COL4A4: variants seen among roughly 807,000 people sequenced by gnomAD.
The protein encoded by COL4A4 is collagen type IV alpha 4 chain, also known as collagen alpha-4(IV) chain.
Under a neutral mutation model 192.9 loss-of-function variants are expected in COL4A4, and 105 were observed. The observed-to-expected ratio is 0.54, with a 90% CI of 0.46 to 0.64. The LOEUF (loss-of-function observed/expected upper bound fraction) is 0.64, where lower values mean the gene tolerates loss of function less well. Ranked by LOEUF, COL4A4 falls within the 30% of genes least tolerant of loss-of-function variation. COL4A4 has a pLI of 0.00. For missense variants in COL4A4, 1,967 were observed against 2,169.3 expected (o/e 0.91, Z 1.85); for synonymous variants, 762 against 769.9 (o/e 0.99, Z 0.17).
rs745671001 is a variant in COL4A4, at chr2:227,144,517, CCATATA to C, written c.107_112del (p.Val36_Tyr37del). 1 of 1,609,766 alleles carries C rather than the reference CCATATA, an allele frequency of 6.2e-7. No individual in the cohort carries two copies. The highest frequency in any genetic ancestry group is 1.3e-5 in the African/African-American group (1 of 74,902). ...ACCAGAGCTAGTGAATGTACTTACC[CCATATA>C]CATATTGTACAGAAAAGAGAATGAG... On this transcript the variant is annotated inframe_deletion and splice_region_variant, in exon 3 of 48. Transcript: ENST00000396625.
chr2:227,085,396 C>G (rs940910226), intron 22 of COL4A4, among the ~76,000 whole-genome samples: 12 of 152,146 alleles, frequency 7.9e-5, no homozygotes, highest in Non-Finnish European at 1.6e-4. Context: ...AAAACAAACA[C>G]CATGAGGACA....
chr2:227,003,976 T>C lies in COL4A4; in HGVS notation c.*3349A>G, dbSNP rs1185092541. The C allele has an allele frequency of 6.6e-6, 1 of 152,246 alleles. No homozygotes were observed. The highest frequency in any genetic ancestry group is 1.5e-5 in the Non-Finnish European group (1 of 68,044). 9.4% of individuals were successfully genotyped at this position (152,246 alleles called of 1,614,324 possible). Reference sequence around the variant, plus strand: ...ATATTCTGAAATAGGAAATGGTTTATACTTGTAACCGTCTTGCTGATGAAG... The same window carrying C: ...ATATTCTGAAATAGGAAATGGTTTACACTTGTAACCGTCTTGCTGATGAAG... On this transcript the variant is annotated 3_prime_UTR_variant, in exon 48 of 48. Coordinates refer to ENST00000396625, the MANE Select transcript of COL4A4 (RefSeq NM_000092.5).
At chr2:227,041,656 AAAAGG>A (rs1206452841) in intron 37 of COL4A4, among the ~76,000 whole-genome samples, 2 of 147,460 alleles carry the variant, frequency 1.4e-5, no homozygotes, top group Admixed American at 1.4e-4. Flanking sequence ...AAGAAAAAAG[AAAAGG>A]AAAGAAAAGG....
intron 6 of COL4A4, among the ~76,000 whole-genome samples, 170 bp downstream of exon 6, chr2:227,119,725 T>G (rs1451274560): frequency 6.7e-6 from 1 of 148,806 alleles, no homozygotes; most frequent in Non-Finnish European, 1.5e-5. Flanking sequence ...GTGAAAGATA[T>G]ATATATATTA....
chr2:227,092,987 C>T (rs2060020734), intron 20 of COL4A4, among the ~76,000 whole-genome samples: 1 of 152,126 alleles, frequency 6.6e-6, no homozygotes, highest in Admixed American at 6.5e-5. Context: ...AATGATTGCC[C>T]TTGGAGAGGA....
intron 25 of COL4A4, among the ~76,000 whole-genome samples, chr2:227,076,338 C>T (rs975959352): frequency 2.6e-5 from 4 of 152,136 alleles, no homozygotes; most frequent in Admixed American, 2.0e-4. Flanking sequence ...TAACACTACA[C>T]ATCTACAACC....
intron 36 of COL4A4, 125 bp from the exon 37 acceptor site, chr2:227,042,380 T>C (rs1335794730): frequency 1.0e-5 from 7 of 679,792 alleles, no homozygotes; most frequent in East Asian, 2.7e-5. Flanking sequence ...TTTCTTCCTA[T>C]ACATCTTAAC....
chr2:227,065,437 A>T (rs1426368088), intron 25 of COL4A4, among the ~76,000 whole-genome samples: 1 of 152,210 alleles, frequency 6.6e-6, no homozygotes, highest in Non-Finnish European at 1.5e-5. Context: ...GGCACAGACA[A>T]ACAAAAAGAC....
chr2:227,046,046 A>G (rs1972751467), intron 35 of COL4A4, among the ~76,000 whole-genome samples: 1 of 140,450 alleles, frequency 7.1e-6, no homozygotes, highest in Non-Finnish European at 1.5e-5. Flanking sequence ...ATATATACAT[A>G]TATACTATCT....
intron 43 of COL4A4, among the ~76,000 whole-genome samples, chr2:227,024,439 G>GAGTGC (rs1966618101): frequency 6.6e-6 from 1 of 152,076 alleles, no homozygotes; most frequent in African/African-American, 2.4e-5. Flanking sequence ...TTGAACCTGG[G>GAGTGC]AGTGCAGTGG....
chr2:227,080,684 A>T, intron 23 of COL4A4, 135 bp from the exon 24 acceptor site: 1 of 726,454 alleles, frequency 1.4e-6, no homozygotes, highest in Non-Finnish European at 2.4e-6. Context: ...CTCAAGTCAC[A>T]TAAAACATGC....
intron 25 of COL4A4, among the ~76,000 whole-genome samples, chr2:227,077,274 T>C (rs182308527): frequency 1.3e-5 from 2 of 152,068 alleles, no homozygotes; most frequent in Admixed American, 1.3e-4. Flanking sequence ...ACAAAGAAAA[T>C]GTGGCATATA....
At chr2:227,040,576 T>C (rs933237251) in intron 37 of COL4A4, among the ~76,000 whole-genome samples, 4 of 151,800 alleles carry the variant, frequency 2.6e-5, no homozygotes, top group African/African-American at 9.7e-5. Flanking sequence ...TTCTTTTTTT[T>C]TTTTTTTGAG....
At chr2:227,137,792 T>C (rs1055236696) in intron 4 of COL4A4, among the ~76,000 whole-genome samples, 5 of 152,168 alleles carry the variant, frequency 3.3e-5, no homozygotes, top group African/African-American at 9.7e-5. Context: ...GCTGATCAAA[T>C]CTATTTATCT....
intron 44 of COL4A4, among the ~76,000 whole-genome samples, chr2:227,013,905 C>G (rs1219368883): frequency 6.6e-6 from 1 of 152,102 alleles, no homozygotes; most frequent in Admixed American, 6.5e-5. Context: ...GCCTGATAAC[C>G]ATTAAATGAG....
chr2:227,140,323 G>A, intron 3 of COL4A4, 85 bp from the exon 4 acceptor site: 1 of 1,147,780 alleles, frequency 8.7e-7, no homozygotes. Context: ...AAGCACTCTT[G>A]GTTTACCTTT....
At chr2:227,109,859 C>T (rs899167891) in intron 9 of COL4A4, among the ~76,000 whole-genome samples, 2 of 151,916 alleles carry the variant, frequency 1.3e-5, no homozygotes, top group African/African-American at 4.8e-5. Flanking sequence ...TTTACAAATA[C>T]ATCCTGTAAT....
At position 227,003,387 on chromosome 2, in the gene COL4A4, T is replaced by C. The variant is rs192161029; in HGVS notation, c.*3938A>G. On this transcript the variant is annotated 3_prime_UTR_variant, in exon 48 of 48. Transcript: ENST00000396625. ...AATGAGGGAAATGAAGCTAAGAAAG[T>C]TGGCAAAACTCACCCAGGATAACAG... The C allele has an allele frequency of 5.3e-5, 8 of 152,282 alleles. No individual in the cohort carries two copies. Among genetic ancestry groups the C allele is most frequent in the Non-Finnish European group, 1.0e-4 (7 of 68,018 alleles). The allele number at this position is 152,282 out of a possible 1,614,324, so 9.4% of individuals were successfully genotyped here. A position where few individuals can be genotyped will look rare whatever the true frequency, so the allele number is the denominator to read the frequency against.
In COL4A4 at chr2:227,094,200, G is replaced by A; in HGVS notation, c.1294C>T (p.Pro432Ser). ...GATCCTGGCTTCCCTGGTTTTCCTG[G>A]AGCAGAATCAGGTCTCCCAGGAATA... is the stretch of plus-strand genomic sequence containing the variant. ...AGIPGRPDSAPGKPGKPGSPG... is the reference protein window; with the variant it reads ...AGIPGRPDSASGKPGKPGSPG... Residue 432 changes from proline (P) to serine (S), a missense_variant, in exon 20 of 48, where the codon CCA becomes TCA. By Grantham distance (74) the Pro-to-Ser change is moderately conservative (BLOSUM62 -1). Transcript: ENST00000396625. 6.2e-7 allele frequency: 1 copy of A among 1,613,774 alleles called. No individual in the cohort carries two copies.
Sources: allele counts gnomAD v4.1 joint callset (sites outside exome capture counted in the v4.1 genomes callset), GRCh38; gene constraint gnomAD v4.1.1; transcripts MANE v1.5; gene names NCBI Gene and HGNC (gene_info 2026-07-23, HGNC 2026-07-21).